HESX1: variants seen among roughly 807,000 people sequenced by gnomAD.
The protein encoded by HESX1 is HESX homeobox 1.
HESX1 carries 11 observed loss-of-function variants against 22.5 expected under a neutral mutation model. The observed-to-expected ratio is 0.49, with a 90% CI of 0.31 to 0.81. The LOEUF is 0.81. Among genes scored for constraint, HESX1 ranks in the 30% least tolerant of loss-of-function variants. The pLI, the probability that HESX1 is intolerant of heterozygous loss-of-function variation, is 0.05. For synonymous variants in HESX1, 74 were observed against 76.5 expected, an observed-to-expected ratio of 0.97 and a Z score of 0.17; for missense variants, 201 against 212.6, an observed-to-expected ratio of 0.95 and a Z score of 0.34.
At chr3:57,207,786 G>C (rs2060527758) in intron 1 of HESX1, among the ~76,000 whole-genome samples, 1 of 152,022 alleles carries the variant, frequency 6.6e-6, no homozygotes, top group Admixed American at 6.6e-5. Flanking sequence ...AGAACTAAAT[G>C]GAATTCATAA....
intron 1 of HESX1, among the ~76,000 whole-genome samples, chr3:57,225,092 T>C (rs189536033): frequency 1.5e-4 from 23 of 152,342 alleles, no homozygotes; most frequent in Non-Finnish European, 2.5e-4. Flanking sequence ...TTTGGTTAAC[T>C]GCACAAAACG....
intron 1 of HESX1, among the ~76,000 whole-genome samples, chr3:57,207,858 G>A (rs148628672): frequency 1.8e-4 from 27 of 152,122 alleles, no homozygotes; most frequent in African/African-American, 6.3e-4. Context: ...ATTTTGGGTC[G>A]TCATGAGAGC....
At position 57,199,852 on chromosome 3, in the gene HESX1, T is replaced by C. The variant is rs1450469301; in HGVS notation, c.67A>G (p.Ile23Val). The change falls in exon 1 of 4, where the codon ATT becomes GTT. Residue 23 changes from isoleucine (I) to valine (V), a missense_variant. Coordinates refer to ENST00000295934, the MANE Select transcript of HESX1 (RefSeq NM_003865.3). ...TGGTCCAGTCCTAAGATTCTCTCAA[T>C]TGAAAAGGAGCAAGTTGAGGGTTTG... The part of the protein sequence containing the change: ...ENKPSTCSFS[I>V]ERILGLDQKK... The C allele has an allele frequency of 3.7e-6, 6 of 1,613,918 alleles. No homozygotes were observed. The Admixed American group carries it at 8.3e-5, about 22-fold the overall frequency.
chr3:57,208,964 A>G (rs1023261085), intron 1 of HESX1, among the ~76,000 whole-genome samples: 3 of 152,110 alleles, frequency 2.0e-5, no homozygotes, highest in Non-Finnish European at 1.5e-5. Context: ...TATCTAAAAA[A>G]AAAAGAAAAA....
rs748460226 is a variant in HESX1, at chr3:57,198,803, ACT to A, written c.305_306del (p.Glu102ValfsTer5). 3.7e-6 allele frequency: 6 copies of A among 1,613,664 alleles called. No individual in the cohort carries two copies. Among genetic ancestry groups the A allele is most frequent in the Non-Finnish European group, 5.1e-6 (6 of 1,179,970 alleles). On this transcript the variant is annotated frameshift_variant, in exon 2 of 4. Coordinates refer to ENST00000295934, the MANE Select transcript of HESX1 (RefSeq NM_003865.3). LOFTEE classifies it high-confidence loss of function. ...GGTCTTCGGCCTCTATACCAACTCA[ACT>A]CTCTTTTCAAAGACAGTCTTTCTGA... Reference protein sequence around the residue: ...SASERLSLKRELSWYRGRRPR... With the variant: ...SASERLSLKRXLSWYRGRRPR...
Position 57,222,497 on chromosome 3 carries a change from G to A in HESX1, c.-111+3799C>T, listed in dbSNP as rs532773013. On this transcript the variant is annotated intron_variant, in intron 1 of 2. Transcript: ENST00000495160. ...TAGTCTCAAATTCCTGGGCTCAAGC[G>A]ATCCTCCCACCTCAGCCTCCCAAAA... 2.4e-4 allele frequency among the ~76,000 whole-genome samples: 37 copies of A among 151,856 alleles called. No homozygotes were observed. In the South Asian group the frequency reaches 6.9e-3, roughly 28 times the overall value.
At chr3:57,221,564 G>T (rs971602253) in intron 1 of HESX1, among the ~76,000 whole-genome samples, 6 of 152,148 alleles carry the variant, frequency 3.9e-5, no homozygotes. Context: ...TGCAATCATA[G>T]CTCACTACAG....
chr3:57,200,163 A>T (rs1056383126), upstream of HESX1: 5 of 504,830 alleles, frequency 9.9e-6, no homozygotes, highest in African/African-American at 1.9e-5. Flanking sequence ...TGGCTACACC[A>T]GGGGGGCCAC....
upstream of HESX1, among the ~76,000 whole-genome samples, chr3:57,201,859 C>A (rs200696670): frequency 8.5e-5 from 10 of 118,148 alleles, no homozygotes; most frequent in Middle Eastern, 4.3e-3. Flanking sequence ...ATTTACATAT[C>A]TATATCTATC....
chr3:57,203,086 G>A (rs1215166589), upstream of HESX1, among the ~76,000 whole-genome samples: 1 of 152,176 alleles, frequency 6.6e-6, no homozygotes, highest in Non-Finnish European at 1.5e-5. Flanking sequence ...AGAAGCCAGG[G>A]TAGGGTTTTA....
intron 1 of HESX1, among the ~76,000 whole-genome samples, chr3:57,212,973 G>C (rs540610472): frequency 2.6e-5 from 4 of 152,032 alleles, no homozygotes; most frequent in Non-Finnish European, 5.9e-5. Context: ...CTCGGTGTGT[G>C]ATGTTCCCCA....
At chr3:57,226,981 CTATT>C (rs945898567), upstream of HESX1, among the ~76,000 whole-genome samples, 13 of 152,226 alleles carry the variant, frequency 8.5e-5, no homozygotes, top group Non-Finnish European at 1.5e-4. Flanking sequence ...GAGGCTAAAA[CTATT>C]TAACGCTTCC....
chr3:57,202,323 C>T (rs947298577), upstream of HESX1, among the ~76,000 whole-genome samples: 5 of 151,950 alleles, frequency 3.3e-5, no homozygotes, highest in East Asian at 9.7e-4. Context: ...ACTCACTCAA[C>T]AGATTTTTGT....
intron 1 of HESX1, among the ~76,000 whole-genome samples, chr3:57,208,713 C>A (rs1388063484): frequency 1.3e-5 from 2 of 149,992 alleles, no homozygotes; most frequent in Non-Finnish European, 3.0e-5. Context: ...GTAATCTCAG[C>A]ACTTTGGGAG....
At chr3:57,207,253 A>G (rs1207956151) in intron 1 of HESX1, among the ~76,000 whole-genome samples, 2 of 152,064 alleles carry the variant, frequency 1.3e-5, no homozygotes, top group Non-Finnish European at 2.9e-5. Context: ...CTGGGCCACA[A>G]TATAGTTTTT....
chr3:57,198,251 T>C lies in HESX1; in HGVS notation c.504A>G (p.Arg168=). The change falls in exon 4 of 4, where the codon AGA becomes AGG. Residue 168 remains arginine, a synonymous_variant. Coordinates refer to ENST00000295934, the MANE Select transcript of HESX1 (RefSeq NM_003865.3). The part of the protein sequence containing the change: ...NRRAKLKRSH[R]ESQFLMAKKN... ...TTTTCGCCATTAGAAACTGTGATTC[T>C]CTATGGGACCTTTTCAGTTTTGCAC... The C allele has an allele frequency of 1.2e-6, 2 of 1,613,364 alleles. No homozygotes were observed. The highest frequency in any genetic ancestry group is 1.7e-6 in the Non-Finnish European group (2 of 1,179,582).
At chr3:57,216,620 A>G (rs1328885574) in intron 1 of HESX1, among the ~76,000 whole-genome samples, 2 of 152,204 alleles carry the variant, frequency 1.3e-5, no homozygotes, top group Non-Finnish European at 2.9e-5. Context: ...AAAAATAAAA[A>G]ATAAAGTTAT....
chr3:57,201,861 ATATC>A (rs10576733), upstream of HESX1, among the ~76,000 whole-genome samples: 26,382 of 145,420 alleles, frequency 0.18, 3,078 homozygotes, highest in East Asian at 0.49. Context: ...TTACATATCT[ATATC>A]TATCTATCTA....
intron 1 of HESX1, among the ~76,000 whole-genome samples, chr3:57,222,107 C>T (rs189051484): frequency 2.6e-5 from 4 of 152,154 alleles, no homozygotes; most frequent in Admixed American, 2.0e-4. Flanking sequence ...CTTGGAAGCA[C>T]GTGTGAATTA....
Sources: gnomAD v4.1 joint callset for allele counts (sites outside exome capture counted in the v4.1 genomes callset) on GRCh38, gnomAD v4.1.1 for gene constraint, MANE v1.5 for transcripts, NCBI Gene and HGNC (gene_info 2026-07-23, HGNC 2026-07-21) for gene names.